The following GABRA2 variants were observed in gnomAD, a reference collection of about 807,000 sequenced individuals.
GABRA2 encodes the protein gamma-aminobutyric acid receptor subunit alpha-2.
In GABRA2, 16 loss-of-function variants were observed where a neutral mutation model predicts 48.7. The ratio of observed to expected loss-of-function variants is 0.33; its 90% CI spans 0.22 to 0.50. The LOEUF is 0.50. Among genes scored for constraint, GABRA2 ranks in the 20% least tolerant of loss-of-function variants. The pLI is 0.98. For synonymous variants in GABRA2, 185 were observed against 184.5 expected, an observed-to-expected ratio of 1.00 and a Z score of -0.02; for missense variants, 275 against 535.6, an observed-to-expected ratio of 0.51 and a Z score of 4.80.
chr4:46,327,378 TAGG>T (rs1182087358), intron 4 of GABRA2, among the ~76,000 whole-genome samples: 3 of 152,018 alleles, frequency 2.0e-5, no homozygotes, highest in African/African-American at 7.2e-5. Flanking sequence ...TTATAAATTC[TAGG>T]AGGGTGCTGA....
chr4:46,347,860 A>T (rs1340181697), intron 3 of GABRA2, among the ~76,000 whole-genome samples: 1 of 151,896 alleles, frequency 6.6e-6, no homozygotes, highest in African/African-American at 2.4e-5. Flanking sequence ...TAAGAAGCTC[A>T]TATCTACACT....
intron 3 of GABRA2, among the ~76,000 whole-genome samples, chr4:46,355,402 C>A (rs929039654): frequency 6.6e-6 from 1 of 152,096 alleles, no homozygotes; most frequent in Non-Finnish European, 1.5e-5. Flanking sequence ...CAGCAGTTGT[C>A]CTTTCCTTTG....
At chr4:46,381,577 A>G (rs895595472) in intron 3 of GABRA2, among the ~76,000 whole-genome samples, 2 of 152,192 alleles carry the variant, frequency 1.3e-5, no homozygotes, top group African/African-American at 4.8e-5. Context: ...GCTATACCTA[A>G]CAATACTAAT....
At chr4:46,337,927 T>C (rs893560680) in intron 3 of GABRA2, among the ~76,000 whole-genome samples, 2 of 151,994 alleles carry the variant, frequency 1.3e-5, no homozygotes, top group Non-Finnish European at 2.9e-5. Context: ...CAATAATAGC[T>C]GAACTGTACT....
At chr4:46,314,987 C>T in intron 4 of GABRA2, among the ~76,000 whole-genome samples, 1 of 151,976 alleles carries the variant, frequency 6.6e-6, no homozygotes, top group East Asian at 1.9e-4. Context: ...GATTCATTTT[C>T]CTTTGAGATA....
chr4:46,386,311 T>C (rs1221112267), intron 2 of GABRA2, 122 bp from the exon 3 acceptor site: 2 of 597,928 alleles, frequency 3.3e-6, no homozygotes, highest in Non-Finnish European at 5.8e-6. Context: ...CCCGTTTTCC[T>C]CCTTTTTTTT....
At position 46,305,587 on chromosome 4, in the gene GABRA2, C is replaced by T. The variant is rs766113571; in HGVS notation, c.684G>A (p.Glu228=). 2.5e-6 allele frequency: 4 copies of T among 1,613,666 alleles called. No homozygotes were observed. The highest frequency in any genetic ancestry group is 3.4e-6 in the Non-Finnish European group (4 of 1,179,888). Residue 228 remains glutamate (E), a synonymous_variant, in exon 7 of 10, where the codon GAG becomes GAA. Transcript: ENST00000381620. Reference sequence around the variant, plus strand: ...ACTAACCTGTACTGGATTTAATTGTCTCCTTTCCGATTGATTGGCCCAGCA... The same window carrying T: ...ACTAACCTGTACTGGATTTAATTGTTTCCTTTCCGATTGATTGGCCCAGCA... The part of the protein sequence containing the change: ...YDLLGQSIGK[E]TIKSSTGEYT...
intron 8 of GABRA2, among the ~76,000 whole-genome samples, chr4:46,274,565 T>A (rs1334963361): frequency 5.9e-5 from 9 of 152,026 alleles, no homozygotes; most frequent in Non-Finnish European, 1.2e-4. Flanking sequence ...GCCACAGCAA[T>A]GATGTGACTT....
At chr4:46,336,685 T>C (rs902448051) in intron 3 of GABRA2, among the ~76,000 whole-genome samples, 3 of 152,128 alleles carry the variant, frequency 2.0e-5, no homozygotes, top group African/African-American at 7.2e-5. Context: ...AGAGCAATCA[T>C]CAAATTCAGG....
chr4:46,258,767 A>C (rs977254840), intron 9 of GABRA2, among the ~76,000 whole-genome samples: 14 of 151,910 alleles, frequency 9.2e-5, no homozygotes, highest in Non-Finnish European at 2.1e-4. Flanking sequence ...ATTCTGGAGC[A>C]TAACAGTAAA....
At chr4:46,330,609 G>A (rs1486939956) in intron 4 of GABRA2, among the ~76,000 whole-genome samples, 1 of 147,766 alleles carries the variant, frequency 6.8e-6, no homozygotes, top group African/African-American at 2.5e-5. Flanking sequence ...GAGAGAGAGA[G>A]ATGTTTTAGG....
chr4:46,339,477 G>C (rs1356025578), intron 3 of GABRA2, among the ~76,000 whole-genome samples: 3 of 151,702 alleles, frequency 2.0e-5, no homozygotes, highest in Non-Finnish European at 4.4e-5. Flanking sequence ...ATAAATCCTG[G>C]TTAACTAAAT....
At position 46,262,148 on chromosome 4, in the gene GABRA2, A is replaced by T. The variant is rs766680209; in HGVS notation, c.857-20T>A. 12 of 1,602,384 alleles carry T rather than the reference A, an allele frequency of 7.5e-6. No homozygotes were observed. In the South Asian group the frequency reaches 1.2e-4, roughly 16 times the overall value. The stretch of plus-strand genomic sequence containing the variant: ...TTACTCCTGCAAAAGAAAAGATAGG[A>T]ATCGAAAACATCAATAGGTACTAGC... On this transcript the variant is annotated intron_variant, in intron 8 of 9. Coordinates refer to ENST00000381620, the MANE Select transcript of GABRA2 (RefSeq NM_000807.4).
At chr4:46,368,967 G>T (rs1262259795) in intron 3 of GABRA2, 1 of 700,164 alleles carries the variant, frequency 1.4e-6, no homozygotes, top group Admixed American at 2.0e-5. Flanking sequence ...TCTGGCTCTT[G>T]AAGGCTATGT....
At chr4:46,371,595 A>AT (rs34134972) in intron 3 of GABRA2, among the ~76,000 whole-genome samples, 37,003 of 151,744 alleles carry the variant, frequency 0.24, 4,812 homozygotes, top group African/African-American at 0.29. Context: ...ATAGATATAG[A>AT]TTTTTTTTAC....
intron 3 of GABRA2, among the ~76,000 whole-genome samples, chr4:46,371,918 G>A (rs1447619028): frequency 6.6e-6 from 1 of 152,092 alleles, no homozygotes; most frequent in Non-Finnish European, 1.5e-5. Flanking sequence ...GGGGTTGTAG[G>A]ACATGGTAGC....
intron 8 of GABRA2, among the ~76,000 whole-genome samples, chr4:46,284,374 G>A (rs1035964870): frequency 5.3e-5 from 8 of 152,218 alleles, no homozygotes; most frequent in African/African-American, 1.7e-4. Context: ...GTTTTCCCAA[G>A]TGCTTTCTTA....
chr4:46,313,401 T>C (rs1270368818), intron 4 of GABRA2, among the ~76,000 whole-genome samples: 1 of 152,046 alleles, frequency 6.6e-6, no homozygotes, highest in Non-Finnish European at 1.5e-5. Flanking sequence ...TTTATGACAT[T>C]AGTTGTAATA....
At position 46,389,806 on chromosome 4, in the gene GABRA2, A is replaced by AGG. The variant is rs1717992032; in HGVS notation, c.-83_-82insCC. The AGG allele has an allele frequency of 4.2e-6, 1 of 236,228 alleles. No individual in the cohort carries two copies. The highest frequency in any genetic ancestry group is 2.9e-4 in the Admixed American group (1 of 3,464). 14.6% of individuals were successfully genotyped at this position (236,228 alleles called of 1,614,324 possible). On this transcript the variant is annotated 5_prime_UTR_variant, in exon 1 of 10. Transcript: ENST00000381620. ...CTTGACGAGATAGGAAACTTGGGAG[A>AGG]GAGAGAGAGAGAGAGAGAGAGAGAG...
Sources: allele counts gnomAD v4.1 joint callset (sites outside exome capture counted in the v4.1 genomes callset), GRCh38; gene constraint gnomAD v4.1.1; transcripts MANE v1.5; gene names NCBI Gene and HGNC (gene_info 2026-07-23, HGNC 2026-07-21).